Variants in MCTP1 observed in about 807,000 individuals in gnomAD.
MCTP1 encodes multiple C2 and transmembrane domain containing 1.
In MCTP1, 69 loss-of-function variants were observed where a neutral mutation model predicts 120.6. That is an observed-to-expected ratio of 0.57 (90% CI 0.47 to 0.70). The LOEUF (loss-of-function observed/expected upper bound fraction) is 0.70. Ranked by LOEUF, MCTP1 falls within the 30% of genes least tolerant of loss-of-function variation. MCTP1 has a pLI of 0.00. For synonymous variants in MCTP1, 529 were observed against 493.1 expected, an observed-to-expected ratio of 1.07 and a Z score of -0.96; for missense variants, 1,203 against 1,248.8, an observed-to-expected ratio of 0.96 and a Z score of 0.55.
At chr5:94,882,453 G>T in intron 12 of MCTP1, among the ~76,000 whole-genome samples, 1 of 151,544 alleles carries the variant, frequency 6.6e-6, no homozygotes, top group African/African-American at 2.4e-5. Context: ...GTTAAATCTA[G>T]ATCCTCTCTA....
At chr5:94,943,795 C>T (rs537132076) in intron 3 of MCTP1, among the ~76,000 whole-genome samples, 1 of 151,022 alleles carries the variant, frequency 6.6e-6, no homozygotes, top group Admixed American at 6.6e-5. Context: ...AAAAAAAAAA[C>T]GCTACCAGAT....
Position 95,171,698 on chromosome 5 carries a change from G to A in MCTP1, c.720+112158C>T, listed in dbSNP as rs572485462. ...CTGGTACCCTTTCTTCCAGTTGATC[G>A]AATCGGTTACTGAAGCTTGTGCATT... is the stretch of plus-strand genomic sequence containing the variant. On this transcript the variant is annotated intron_variant, in intron 1 of 22. Coordinates refer to ENST00000515393, the MANE Select transcript of MCTP1 (RefSeq NM_024717.7). 1.2e-3 allele frequency among the ~76,000 whole-genome samples: 175 copies of A among 151,984 alleles called. 1 individual carries two copies. The highest frequency in any genetic ancestry group is 3.4e-3 in the Middle Eastern group (1 of 294).
chr5:94,803,293 TGA>T (rs1781577173), intron 17 of MCTP1, among the ~76,000 whole-genome samples: 1 of 152,222 alleles, frequency 6.6e-6, no homozygotes, highest in Non-Finnish European at 1.5e-5. Context: ...AAAAGAACAT[TGA>T]GAGTTTTACT....
chr5:94,751,140 C>T (rs1439652464), intron 19 of MCTP1, among the ~76,000 whole-genome samples: 1 of 152,082 alleles, frequency 6.6e-6, no homozygotes, highest in Non-Finnish European at 1.5e-5. Flanking sequence ...CACTCAGAAG[C>T]ATAATATAAC....
rs545811217 is a variant in MCTP1, at chr5:94,867,541, A to T, written c.2436+792T>A. ...AAACTGGCAACTATAAGGAAGCATA[A>T]GGTACTCATATTTGAACAAACATGA... On this transcript the variant is annotated intron_variant, in intron 17 of 22. Transcript: ENST00000515393. 36 of 483,666 alleles carry T rather than the reference A, an allele frequency of 7.4e-5. No individual in the cohort carries two copies. In the South Asian group the frequency reaches 1.3e-3, roughly 17 times the overall value. The allele number at this position is 483,666 out of a possible 1,614,324, so 30.0% of individuals were successfully genotyped here.
chr5:94,713,110 C>T (rs1757700812), intron 20 of MCTP1, among the ~76,000 whole-genome samples: 1 of 152,098 alleles, frequency 6.6e-6, no homozygotes, highest in Non-Finnish European at 1.5e-5. Context: ...TATTTAGTAA[C>T]AAGACATGGT....
At chr5:95,226,247 G>T (rs935120506) in intron 1 of MCTP1, among the ~76,000 whole-genome samples, 2 of 151,994 alleles carry the variant, frequency 1.3e-5, no homozygotes, top group Non-Finnish European at 2.9e-5. Flanking sequence ...TAATGTGTTT[G>T]TTCTTGTTTT....
In MCTP1 at chr5:95,096,038, C is replaced by T. The variant is rs187756727; in HGVS notation, c.721-78554G>A. Among the ~76,000 whole-genome samples the T allele has an allele frequency of 1.2e-4, 18 of 152,208 alleles. No individual in the cohort carries two copies. The East Asian group carries it at 3.3e-3, about 28-fold the overall frequency. On this transcript the variant is annotated intron_variant, in intron 1 of 22. Coordinates refer to ENST00000515393, the MANE Select transcript of MCTP1 (RefSeq NM_024717.7). The stretch of plus-strand genomic sequence containing the variant: ...AGACTCAGAGTTAGAACTAAGCTAA[C>T]GCAATGACAATGAAAAAATGTGATA...
chr5:95,053,397 C>T (rs969200036), intron 1 of MCTP1, among the ~76,000 whole-genome samples: 5 of 152,132 alleles, frequency 3.3e-5, no homozygotes, highest in Admixed American at 1.3e-4. Flanking sequence ...CCATGAGCTT[C>T]GGGATTCTTT....
intron 1 of MCTP1, among the ~76,000 whole-genome samples, chr5:95,106,747 A>C (rs1348241344): frequency 6.6e-6 from 1 of 152,162 alleles, no homozygotes; most frequent in Non-Finnish European, 1.5e-5. Flanking sequence ...AATTTAGGGG[A>C]TCTCTAAAGG....
intron 17 of MCTP1, chr5:94,826,407 A>G (rs189770494): frequency 2.0e-5 from 13 of 639,708 alleles, no homozygotes; most frequent in African/African-American, 1.8e-4. Flanking sequence ...CACCATTGAT[A>G]CCTCTGATCC....
intron 1 of MCTP1, among the ~76,000 whole-genome samples, chr5:95,205,878 A>G (rs1751562427): frequency 6.6e-6 from 1 of 152,168 alleles, no homozygotes; most frequent in Non-Finnish European, 1.5e-5. Context: ...AAGAAAATGG[A>G]AAATAACAAG....
intron 1 of MCTP1, among the ~76,000 whole-genome samples, chr5:95,067,979 A>G (rs926506412): frequency 3.3e-5 from 5 of 152,260 alleles, no homozygotes; most frequent in African/African-American, 1.2e-4. Flanking sequence ...TCTGGTAACC[A>G]CTTTTCCACT....
intron 17 of MCTP1, among the ~76,000 whole-genome samples, chr5:94,842,090 T>C (rs2153201883): frequency 6.6e-6 from 1 of 152,346 alleles, no homozygotes; most frequent in African/African-American, 2.4e-5. Context: ...CACACAGTCA[T>C]ACGCAACGCT....
chr5:95,239,882 T>C (rs898948791), intron 1 of MCTP1, among the ~76,000 whole-genome samples: 1 of 152,136 alleles, frequency 6.6e-6, no homozygotes, highest in Non-Finnish European at 1.5e-5. Context: ...TTTTTAATTT[T>C]TTTATTATGT....
intron 17 of MCTP1, among the ~76,000 whole-genome samples, chr5:94,863,560 G>A (rs1002151993): frequency 6.6e-5 from 10 of 151,884 alleles, no homozygotes; most frequent in Non-Finnish European, 1.5e-4. Context: ...TACAGGTGAT[G>A]TAGACATGCC....
chr5:94,957,709 A>G (rs1822994032), intron 2 of MCTP1, among the ~76,000 whole-genome samples: 1 of 152,246 alleles, frequency 6.6e-6, no homozygotes, highest in Admixed American at 6.5e-5. Flanking sequence ...CAATGCAACA[A>G]GAAGAGCTAA....
intron 10 of MCTP1, among the ~76,000 whole-genome samples, chr5:94,898,564 C>A (rs1804697087): frequency 6.6e-6 from 1 of 152,168 alleles, no homozygotes; most frequent in Non-Finnish European, 1.5e-5. Flanking sequence ...ATATTTGGCT[C>A]ACCTGTACTG....
chr5:94,840,688 C>G (rs1246117025), intron 17 of MCTP1, among the ~76,000 whole-genome samples: 1 of 152,166 alleles, frequency 6.6e-6, no homozygotes, highest in Non-Finnish European at 1.5e-5. Flanking sequence ...GTGATTCAAT[C>G]TCACTGGCCT....
Sources: gnomAD v4.1 joint callset for allele counts (sites outside exome capture counted in the v4.1 genomes callset) on GRCh38, gnomAD v4.1.1 for gene constraint, MANE v1.5 for transcripts, NCBI Gene and HGNC (gene_info 2026-07-23, HGNC 2026-07-21) for gene names.